LPP: variants seen among roughly 807,000 people sequenced by gnomAD.
The protein encoded by LPP is LIM domain containing preferred translocation partner in lipoma.
Under a neutral mutation model 60.4 loss-of-function variants are expected in LPP, and 38 were observed. The ratio of observed to expected loss-of-function variants is 0.63; its 90% CI spans 0.49 to 0.83. The LOEUF (loss-of-function observed/expected upper bound fraction) is 0.83. LPP is among the 40% of genes least tolerant of loss of function. The pLI is 0.00. For missense variants in LPP, 902 were observed against 783.6 expected (o/e 1.15, Z -1.80); for synonymous variants, 328 against 290.8 (o/e 1.13, Z -1.30).
chr3:188,178,925 C>T, intron 1 of LPP: 1 of 253,154 alleles, frequency 4.0e-6, no homozygotes. Context: ...ATTGGTGCCT[C>T]TGTGGACATG....
intron 2 of LPP, among the ~76,000 whole-genome samples, chr3:188,326,241 G>T (rs778198435): frequency 2.6e-5 from 4 of 152,180 alleles, no homozygotes; most frequent in Non-Finnish European, 5.9e-5. Context: ...GGTGATGTGC[G>T]TATGTGAACC....
chr3:188,399,328 A>G (rs1027688696), intron 3 of LPP, among the ~76,000 whole-genome samples: 1 of 151,992 alleles, frequency 6.6e-6, no homozygotes, highest in Admixed American at 6.5e-5. Context: ...TTGAAATTCC[A>G]GGAAGGTACT....
rs377141350 is a variant in LPP at position 188,330,931 on chromosome 3, A to AT, written c.-66-10724dup. On this transcript the variant is annotated intron_variant, in intron 2 of 11. Transcript: ENST00000617246. ...AGGCCTTGGTGACTTACTCTTTTTA[A>AT]TTTTTTTTCCCACAAAACTGATGTG... Among the ~76,000 whole-genome samples, 26 of 151,952 alleles carry AT rather than the reference A, an allele frequency of 1.7e-4. 1 individual carries two copies. Among genetic ancestry groups the AT allele is most frequent in the Non-Finnish European group, 2.9e-4 (20 of 67,950 alleles).
rs1770489037 is a variant in LPP at position 188,884,940 on chromosome 3, G to T, written c.*10461G>T. ...TGGCCTTTGCCATTTGATAGACTTTGCTTCCCAGGATGCTGTCATTTTGTG... is the reference window on the plus strand; with the variant it reads ...TGGCCTTTGCCATTTGATAGACTTTTCTTCCCAGGATGCTGTCATTTTGTG... On this transcript the variant is annotated 3_prime_UTR_variant, in exon 12 of 12. Transcript: ENST00000617246. 4.6e-6 allele frequency: 1 copy of T among 218,890 alleles called. No individual in the cohort carries two copies. The highest frequency in any genetic ancestry group is 2.2e-5 in the African/African-American group (1 of 44,536). The allele number at this position is 218,890 out of a possible 1,614,324, so 13.6% of individuals were successfully genotyped here.
chr3:188,658,893 T>C (rs1853950095), intron 7 of LPP, among the ~76,000 whole-genome samples: 1 of 152,202 alleles, frequency 6.6e-6, no homozygotes, highest in Non-Finnish European at 1.5e-5. Context: ...AGTTACTTGA[T>C]GATACTCCAG....
intron 9 of LPP, among the ~76,000 whole-genome samples, chr3:188,860,783 T>C (rs555811871): frequency 2.6e-5 from 4 of 152,360 alleles, no homozygotes; most frequent in Admixed American, 1.3e-4. Flanking sequence ...TCTTGTCCTA[T>C]AGGAGTTTAG....
chr3:188,440,321 G>A (rs1054320166), intron 4 of LPP, among the ~76,000 whole-genome samples: 1 of 152,090 alleles, frequency 6.6e-6, no homozygotes, highest in Non-Finnish European at 1.5e-5. Flanking sequence ...TACTTCCTAG[G>A]TTGTTGTCAA....
chr3:188,242,163 A>G (rs2149477951), intron 2 of LPP, among the ~76,000 whole-genome samples: 1 of 152,332 alleles, frequency 6.6e-6, no homozygotes, highest in South Asian at 2.1e-4. Context: ...GGCACACATA[A>G]GGAATGCAGA....
intron 2 of LPP, among the ~76,000 whole-genome samples, chr3:188,257,769 A>G (rs745667391): frequency 4.6e-5 from 7 of 152,266 alleles, no homozygotes; most frequent in Non-Finnish European, 1.0e-4. Flanking sequence ...AAGAAAAACA[A>G]CGTGCAAGAC....
intron 9 of LPP, among the ~76,000 whole-genome samples, chr3:188,777,295 T>G (rs545389946): frequency 2.0e-5 from 3 of 151,990 alleles, no homozygotes; most frequent in Non-Finnish European, 2.9e-5. Context: ...ATCTAGGTTT[T>G]TTTTTTTTTT....
At chr3:188,333,300 G>C (rs905668184) in intron 2 of LPP, among the ~76,000 whole-genome samples, 3 of 152,080 alleles carry the variant, frequency 2.0e-5, no homozygotes, top group African/African-American at 7.2e-5. Context: ...ATTGCAAAGT[G>C]GTCATGCTGT....
chr3:188,574,655 T>G (rs985462227), intron 6 of LPP, among the ~76,000 whole-genome samples: 2 of 152,108 alleles, frequency 1.3e-5, no homozygotes, highest in African/African-American at 4.8e-5. Flanking sequence ...AGTTGTTCTG[T>G]CAGTGTGAGC....
intron 2 of LPP, among the ~76,000 whole-genome samples, chr3:188,253,017 C>A (rs1363281884): frequency 1.3e-5 from 2 of 151,642 alleles, no homozygotes; most frequent in East Asian, 3.9e-4. Flanking sequence ...AAGTGATCTG[C>A]CCACCTTGGC....
At chr3:188,729,965 G>A (rs1719831797) in intron 8 of LPP, among the ~76,000 whole-genome samples, 2 of 152,088 alleles carry the variant, frequency 1.3e-5, no homozygotes, top group Admixed American at 1.3e-4. Flanking sequence ...ACTCCAGCTT[G>A]GGCAACAGAG....
At chr3:188,811,544 A>G (rs1750994415) in intron 9 of LPP, among the ~76,000 whole-genome samples, 1 of 152,110 alleles carries the variant, frequency 6.6e-6, no homozygotes, top group Non-Finnish European at 1.5e-5. Flanking sequence ...TTAGGAAAGA[A>G]ACCTATGGCC....
intron 2 of LPP, among the ~76,000 whole-genome samples, chr3:188,245,744 A>G (rs73059651): frequency 0.013 from 1,988 of 151,456 alleles, 39 homozygotes; most frequent in African/African-American, 0.045. Flanking sequence ...AGGTCTCACT[A>G]TGTTGCCCAG....
intron 2 of LPP, among the ~76,000 whole-genome samples, chr3:188,253,899 G>T (rs558152183): frequency 5.3e-5 from 8 of 152,024 alleles, no homozygotes; most frequent in African/African-American, 1.7e-4. Flanking sequence ...GTTCCTCGCC[G>T]CATGGTAATT....
chr3:188,592,683 AG>A (rs2151116333), intron 6 of LPP, among the ~76,000 whole-genome samples: 1 of 151,748 alleles, frequency 6.6e-6, no homozygotes, highest in African/African-American at 2.4e-5. Context: ...CTGGGATGAC[AG>A]GTGCCCACCA....
rs777811807 is a variant in LPP at position 188,708,271 on chromosome 3, G to A, written c.1118G>A (p.Gly373Asp). The part of the protein sequence containing the change: ...PCAPPLQPKG[G>D]HSGQLGPSSV... ...TGTGTGCTTTCTGCCTTTCAGGGTG[G>A]CCATTCAGGGCAACTGGGGCCTTCG... The change falls in exon 8 of 12, where the codon GGC (glycine) becomes GAC (aspartate). Residue 373 changes from glycine to aspartate, a missense_variant. Gly to Asp is a moderately conservative substitution (Grantham distance 94). Coordinates refer to ENST00000617246, the MANE Select transcript of LPP (RefSeq NM_001375462.1). 8 of 1,614,006 alleles carry A rather than the reference G, an allele frequency of 5.0e-6. No homozygotes were observed. Among genetic ancestry groups the A allele is most frequent in the Middle Eastern group, 1.7e-4 (1 of 6,040 alleles).
Sources: allele counts gnomAD v4.1 joint callset (sites outside exome capture counted in the v4.1 genomes callset), GRCh38; gene constraint gnomAD v4.1.1; transcripts MANE v1.5; gene names NCBI Gene and HGNC (gene_info 2026-07-23, HGNC 2026-07-21).